Variants in HIP1 observed in about 807,000 individuals in gnomAD.
The protein encoded by HIP1 is huntingtin-interacting protein 1.
A neutral mutation model predicts 147.6 loss-of-function variants in HIP1; 65 were observed. That is an observed-to-expected ratio of 0.44 (90% confidence interval 0.36 to 0.54). HIP1 has a LOEUF of 0.54. Ranked by LOEUF, HIP1 falls within the 20% of genes least tolerant of loss-of-function variation. The probability of loss-of-function intolerance (pLI) is 0.00; values close to 1 mark genes in which losing one functional copy is unlikely to be tolerated. For missense variants in HIP1, 1,061 were observed against 1,299.6 expected, an observed-to-expected ratio of 0.82 and a Z score of 2.82; for synonymous variants, 479 against 504.0, an observed-to-expected ratio of 0.95 and a Z score of 0.67.
chr7:75,613,577 C>T (rs1359849757), intron 1 of HIP1, among the ~76,000 whole-genome samples: 1 of 152,002 alleles, frequency 6.6e-6, no homozygotes, highest in Non-Finnish European at 1.5e-5. Flanking sequence ...AAATCTGGGC[C>T]CCTATTTTCC....
At chr7:75,627,807 C>T (rs116623663) in intron 1 of HIP1, among the ~76,000 whole-genome samples, 2,208 of 152,204 alleles carry the variant, frequency 0.015, 60 homozygotes, top group African/African-American at 0.05. Flanking sequence ...CTCTGGCTGA[C>T]GGCTGGATCC....
intron 28 of HIP1, 94 bp from the exon 29 acceptor site, chr7:75,542,074 TG>T: frequency 9.9e-7 from 1 of 1,009,510 alleles, no homozygotes; most frequent in Admixed American, 1.7e-5. Context: ...TGGAAACGCC[TG>T]GCTTGCCATT....
rs1330280422 is a variant in HIP1, at chr7:75,592,566, G to T, written c.185-52C>A. On this transcript the variant is annotated intron_variant, in intron 2 of 30. Transcript: ENST00000336926. ...GATGGGCTCTGCCAGTCACTGCAGGGGACTGAGCCTGCACCCAGCCACTGC... is the reference window on the plus strand; with the variant it reads ...GATGGGCTCTGCCAGTCACTGCAGGTGACTGAGCCTGCACCCAGCCACTGC... The T allele has an allele frequency of 2.6e-6, 4 of 1,558,316 alleles. No homozygotes were observed. In the African/African-American group the frequency reaches 4.1e-5, roughly 16 times the overall value.
At chr7:75,620,301 A>G (rs1402054239) in intron 1 of HIP1, among the ~76,000 whole-genome samples, 2 of 150,102 alleles carry the variant, frequency 1.3e-5, no homozygotes, top group Non-Finnish European at 3.0e-5. Context: ...TGGGAGGATC[A>G]CCTGAGCTCA....
chr7:75,545,129 G>A lies in HIP1; in HGVS notation c.2619C>T (p.Ile873=), dbSNP rs1554490752. The A allele has an allele frequency of 6.2e-7, 1 of 1,612,288 alleles. No homozygotes were observed. Among genetic ancestry groups the A allele is most frequent in the Non-Finnish European group, 8.5e-7 (1 of 1,179,312 alleles). Residue 873 remains isoleucine (I), a synonymous_variant, in exon 26 of 31, where the codon ATC becomes ATT. Coordinates refer to ENST00000336926, the MANE Select transcript of HIP1 (RefSeq NM_005338.7). ...AKNSRWTEGL[I]SASKAVGWGA... The stretch of plus-strand genomic sequence containing the variant: ...CCCAGCCCACAGCCTTGGAGGCTGA[G>A]ATAAGTCCTTCTGTCCATCGAGAGT...
intron 1 of HIP1, among the ~76,000 whole-genome samples, chr7:75,682,581 G>GAAAACAAAACAAAAC (rs3216943): frequency 0.034 from 5,105 of 148,734 alleles, 297 homozygotes; most frequent in African/African-American, 0.11. Flanking sequence ...TTTACAGACA[G>GAAAACAAAACAAAAC]AAAACAAAAC....
intron 1 of HIP1, among the ~76,000 whole-genome samples, chr7:75,630,927 C>T (rs1277350009): frequency 6.6e-6 from 1 of 152,150 alleles, no homozygotes; most frequent in African/African-American, 2.4e-5. Flanking sequence ...TACTAAGCCC[C>T]TCCTATGTGC....
At chr7:75,640,756 AATAATAATAATAAT>A (rs1798625468) in intron 1 of HIP1, among the ~76,000 whole-genome samples, 3 of 121,316 alleles carry the variant, frequency 2.5e-5, no homozygotes, top group South Asian at 2.7e-4. Context: ...CCATCTCAAT[AATAATAATAATAAT>A]AATAATAATA....
At chr7:75,550,917 T>C (rs767279550) in intron 22 of HIP1, among the ~76,000 whole-genome samples, 6 of 152,136 alleles carry the variant, frequency 3.9e-5, no homozygotes, top group Non-Finnish European at 7.3e-5. Context: ...CATGTGTGCA[T>C]ATATGATCAT....
In HIP1 at chr7:75,559,902, A is replaced by G; in HGVS notation, c.1205T>C (p.Val402Ala). 1 of 1,605,108 alleles carries G rather than the reference A, an allele frequency of 6.2e-7. No homozygotes were observed. The highest frequency in any genetic ancestry group is 1.3e-5 in the African/African-American group (1 of 74,924). Residue 402 changes from valine to alanine, a missense_variant, in exon 14 of 31, where the codon GTG becomes GCG. Physicochemically the swap from Val to Ala is moderately conservative, Grantham distance 64. Coordinates refer to ENST00000336926, the MANE Select transcript of HIP1 (RefSeq NM_005338.7). ...GCTGACGTGGCCCTTCAGCTGCAGCACAACCCGCTGGCTCTGTGGGGGGAC... is the reference window on the plus strand; with the variant it reads ...GCTGACGTGGCCCTTCAGCTGCAGCGCAACCCGCTGGCTCTGTGGGGGGAC... The part of the protein sequence containing the change: ...ENMKTESQRV[V>A]LQLKGHVSEL...
Position 75,661,023 on chromosome 7 carries a change from A to G in HIP1, c.121-61776T>C, listed in dbSNP as rs570947555. On this transcript the variant is annotated intron_variant, in intron 1 of 30. Transcript: ENST00000336926. ...AGCCGGCGTGGTGGCTCACGCCTGT[A>G]ATGCTAACACTTTGGAAGGCCGAGG... Among the ~76,000 whole-genome samples the G allele has an allele frequency of 7.2e-5, 11 of 152,246 alleles. 1 individual carries two copies. In the South Asian group the frequency reaches 2.3e-3, roughly 32 times the overall value.
chr7:75,676,498 C>G (rs971077918), intron 1 of HIP1, among the ~76,000 whole-genome samples: 4 of 152,184 alleles, frequency 2.6e-5, no homozygotes, highest in Non-Finnish European at 5.9e-5. Flanking sequence ...CCCCTATGGC[C>G]TGGCGCGGTG....
At chr7:75,590,714 T>C (rs1202368468) in intron 4 of HIP1, among the ~76,000 whole-genome samples, 1 of 152,202 alleles carries the variant, frequency 6.6e-6, no homozygotes, top group African/African-American at 2.4e-5. Flanking sequence ...AGTAAAAAGA[T>C]GGAGAAATAT....
intron 1 of HIP1, among the ~76,000 whole-genome samples, chr7:75,638,459 G>A (rs1339394329): frequency 6.6e-6 from 1 of 152,130 alleles, no homozygotes. Flanking sequence ...GAAAGGCGGA[G>A]TCATGCTTAG....
At chr7:75,668,941 G>A (rs1554514915) in intron 1 of HIP1, among the ~76,000 whole-genome samples, 1 of 152,150 alleles carries the variant, frequency 6.6e-6, no homozygotes, top group East Asian at 1.9e-4. Context: ...AACCTGGCTG[G>A]GCGCGGTGGC....
chr7:75,579,243 C>A (rs1795952904), intron 7 of HIP1, among the ~76,000 whole-genome samples: 1 of 152,204 alleles, frequency 6.6e-6, no homozygotes, highest in Admixed American at 6.6e-5. Flanking sequence ...GTATAACACC[C>A]TGCTCAAATA....
Position 75,536,897 on chromosome 7 carries a change from A to G in HIP1, c.*1275T>C, listed in dbSNP as rs1554488783. 1.3e-5 allele frequency: 3 copies of G among 230,932 alleles called. No homozygotes were observed. The highest frequency in any genetic ancestry group is 2.6e-5 in the Non-Finnish European group (3 of 116,652). 14.3% of individuals were successfully genotyped at this position (230,932 alleles called of 1,614,324 possible). A position where few individuals can be genotyped will look rare whatever the true frequency, so the allele number is the denominator to read the frequency against. On this transcript the variant is annotated 3_prime_UTR_variant, in exon 31 of 31. Coordinates refer to ENST00000336926, the MANE Select transcript of HIP1 (RefSeq NM_005338.7). ...GCTGCTTAAGGGAGGTTAGTAATAA[A>G]TACTAAGGGTAGCAAACCAAGTATA... is the stretch of plus-strand genomic sequence containing the variant.
At chr7:75,557,019 A>ATTATTTAT (rs3041772) in intron 16 of HIP1, among the ~76,000 whole-genome samples, 18,832 of 145,314 alleles carry the variant, frequency 0.13, 1,370 homozygotes, top group Middle Eastern at 0.25. Flanking sequence ...AGGATTTTTT[A>ATTATTTAT]TTATTTATTT....
intron 1 of HIP1, among the ~76,000 whole-genome samples, chr7:75,622,897 A>ATCTATC (rs1563252019): frequency 7.3e-6 from 1 of 136,656 alleles, no homozygotes; most frequent in Non-Finnish European, 1.6e-5. Flanking sequence ...ATCTATCTAT[A>ATCTATC]TATTTTTTAA....
Sources: allele counts gnomAD v4.1 joint callset (sites outside exome capture counted in the v4.1 genomes callset), GRCh38; gene constraint gnomAD v4.1.1; transcripts MANE v1.5; gene names NCBI Gene and HGNC (gene_info 2026-07-23, HGNC 2026-07-21).